CLASP1: variants seen among roughly 807,000 people sequenced by gnomAD.
CLASP1 encodes cytoplasmic linker associated protein 1, also known as CLIP-associating protein 1.
CLASP1 carries 38 observed loss-of-function variants against 192.3 expected under a neutral mutation model. The observed-to-expected ratio is 0.20, with a 90% confidence interval of 0.15 to 0.26. The LOEUF (loss-of-function observed/expected upper bound fraction) is 0.26, where lower values mean the gene tolerates loss of function less well. CLASP1 is among the 10% of genes least tolerant of loss of function. The pLI is 1.00. For synonymous variants in CLASP1, 691 were observed against 712.8 expected, an observed-to-expected ratio of 0.97 and a Z score of 0.49; for missense variants, 1,433 against 1,932.5, an observed-to-expected ratio of 0.74 and a Z score of 4.85.
chr2:121,535,248 C>T (rs923609739), intron 2 of CLASP1, among the ~76,000 whole-genome samples: 17 of 152,196 alleles, frequency 1.1e-4, no homozygotes, highest in African/African-American at 4.1e-4. Flanking sequence ...CGTGCCACTG[C>T]ACTCCAGCCT....
chr2:121,503,418 A>C (rs916466754), intron 7 of CLASP1, among the ~76,000 whole-genome samples, 184 bp from the exon 8 acceptor site: 1 of 152,236 alleles, frequency 6.6e-6, no homozygotes, highest in African/African-American at 2.4e-5. Context: ...CTGAGCACTT[A>C]CTATGGGTAA....
chr2:121,528,822 G>A (rs764287499), intron 3 of CLASP1, 42 bp from the exon 4 acceptor site: 1 of 1,460,844 alleles, frequency 6.8e-7, no homozygotes, highest in East Asian at 2.3e-5. Flanking sequence ...AACCCTATTT[G>A]GGGGTCTGTG....
At chr2:121,520,495 C>T (rs1039993945) in intron 6 of CLASP1, among the ~76,000 whole-genome samples, 1 of 152,230 alleles carries the variant, frequency 6.6e-6, no homozygotes, top group Non-Finnish European at 1.5e-5. Flanking sequence ...CTCTGTCAAG[C>T]CAGCAGCAGA....
At chr2:121,634,277 A>T (rs1049745415) in intron 1 of CLASP1, among the ~76,000 whole-genome samples, 3 of 152,242 alleles carry the variant, frequency 2.0e-5, no homozygotes, top group Non-Finnish European at 4.4e-5. Flanking sequence ...AGTTTGCTGA[A>T]TGATGATTTT....
intron 2 of CLASP1, among the ~76,000 whole-genome samples, chr2:121,563,862 CA>C (rs1174943092): frequency 6.6e-6 from 1 of 152,152 alleles, no homozygotes; most frequent in Non-Finnish European, 1.5e-5. Flanking sequence ...GGGCAATTTA[CA>C]AAAGAAAGAG....
At chr2:121,524,310 G>GGGA (rs2104616652) in intron 6 of CLASP1, among the ~76,000 whole-genome samples, 1 of 152,178 alleles carries the variant, frequency 6.6e-6, no homozygotes, top group South Asian at 2.1e-4. Context: ...AAAACCAAAA[G>GGGA]GGAGGAAGGA....
intron 8 of CLASP1, among the ~76,000 whole-genome samples, chr2:121,478,665 C>CCACACACACACCA (rs1336561602): frequency 3.1e-5 from 3 of 95,630 alleles, no homozygotes; most frequent in East Asian, 6.4e-4. Context: ...CACACACCCC[C>CCACACACACACCA]CACACACACC....
At chr2:121,387,025 G>C in intron 32 of CLASP1, 97 bp downstream of exon 33, 1 of 981,310 alleles carries the variant, frequency 1.0e-6, no homozygotes, top group African/African-American at 1.6e-5. Flanking sequence ...TATTCTTTTT[G>C]TTATTTAGCT....
At chr2:121,351,083 C>T (rs1433344561) in intron 37 of CLASP1, among the ~76,000 whole-genome samples, 3 of 152,184 alleles carry the variant, frequency 2.0e-5, no homozygotes, top group Non-Finnish European at 4.4e-5. Flanking sequence ...CAGGCCGCAC[C>T]TCATTCGTCT....
chr2:121,579,958 G>A (rs755389304), intron 2 of CLASP1, among the ~76,000 whole-genome samples: 6 of 152,134 alleles, frequency 3.9e-5, no homozygotes, highest in East Asian at 1.9e-4. Flanking sequence ...AAAATTCATC[G>A]AAACAGTTCA....
At chr2:121,521,622 T>C in intron 6 of CLASP1, among the ~76,000 whole-genome samples, 1 of 152,228 alleles carries the variant, frequency 6.6e-6, no homozygotes, top group East Asian at 1.9e-4. Context: ...TGTGCACCTG[T>C]GGCCCACTCT....
chr2:121,583,662 G>A (rs2061436796), intron 2 of CLASP1, among the ~76,000 whole-genome samples: 2 of 152,010 alleles, frequency 1.3e-5, no homozygotes, highest in African/African-American at 4.8e-5. Context: ...ACTTATCAAA[G>A]CTAGTACCTC....
At chr2:121,520,704 A>G (rs1222554525) in intron 6 of CLASP1, among the ~76,000 whole-genome samples, 2 of 152,244 alleles carry the variant, frequency 1.3e-5, no homozygotes, top group Non-Finnish European at 2.9e-5. Flanking sequence ...GATGAAATCA[A>G]AAGTCTTCAG....
At chr2:121,647,461 T>C (rs958238747) in intron 1 of CLASP1, among the ~76,000 whole-genome samples, 1 of 152,208 alleles carries the variant, frequency 6.6e-6, no homozygotes, top group Admixed American at 6.5e-5. Flanking sequence ...GGCCAATCAT[T>C]TCTCAACATC....
chr2:121,528,747 G>C (rs1415798687), exon 4 of CLASP1: 2 of 1,613,822 alleles, frequency 1.2e-6, no homozygotes, highest in Non-Finnish European at 1.7e-6. Flanking sequence ...AGAGTCTTTA[G>C]CATCTCCTAG....
intron 32 of CLASP1, among the ~76,000 whole-genome samples, chr2:121,386,853 T>G (rs934295637): frequency 6.6e-6 from 1 of 152,158 alleles, no homozygotes; most frequent in Non-Finnish European, 1.5e-5. Context: ...TACAAACTTT[T>G]AGTTGTAGGT....
intron 1 of CLASP1, among the ~76,000 whole-genome samples, chr2:121,624,088 C>A (rs894904678): frequency 6.6e-6 from 1 of 151,980 alleles, no homozygotes; most frequent in Non-Finnish European, 1.5e-5. Flanking sequence ...TTGCACAGAA[C>A]CTATTTTTGG....
intron 19 of CLASP1, among the ~76,000 whole-genome samples, chr2:121,446,645 C>T (rs17006476): frequency 0.25 from 37,797 of 152,132 alleles, 7,447 homozygotes; most frequent in African/African-American, 0.54. Flanking sequence ...GCCTGACACA[C>T]AGTACGTGTT....
chr2:121,543,569 G>A (rs2164797), intron 2 of CLASP1, among the ~76,000 whole-genome samples: 7 of 151,710 alleles, frequency 4.6e-5, no homozygotes, highest in Admixed American at 6.6e-5. Context: ...AGCCCCCAGC[G>A]CGCCAACAGG....
Sources: allele counts gnomAD v4.1 joint callset (sites outside exome capture counted in the v4.1 genomes callset), GRCh38; gene constraint gnomAD v4.1.1; transcripts MANE v1.5; gene names NCBI Gene and HGNC (gene_info 2026-07-23, HGNC 2026-07-21).